Variants in CYGB observed in about 807,000 individuals in gnomAD.
The protein encoded by CYGB is histoglobin.
Under a neutral mutation model 20.7 loss-of-function variants are expected in CYGB, and 13 were observed. The ratio of observed to expected loss-of-function variants is 0.63; its 90% CI spans 0.41 to 1.00. The LOEUF (loss-of-function observed/expected upper bound fraction) is 1.00, where lower values mean the gene tolerates loss of function less well. CYGB is among the 50% of genes least tolerant of loss of function. The pLI is 0.00. For missense variants in CYGB, 218 were observed against 257.2 expected (o/e 0.85, Z 1.04); for synonymous variants, 93 against 107.4 (o/e 0.87, Z 0.83).
rs1252443604 is a variant in CYGB at position 76,531,514 on chromosome 17, G to C, written c.321C>G (p.Ala107=). 6.2e-7 allele frequency: 1 copy of C among 1,613,946 alleles called. No individual in the cohort carries two copies. The highest frequency in any genetic ancestry group is 1.1e-5 in the South Asian group (1 of 91,090). The change falls in exon 2 of 4, where the codon GCC becomes GCG. Residue 107 remains alanine (A), a synonymous_variant. Coordinates refer to ENST00000293230, the MANE Select transcript of CYGB (RefSeq NM_134268.5). The surrounding 1 kb of genome is among the most constrained non-coding windows in gnomAD (Gnocchi z 7.4). ...TGAGGGCGTGGGCTTTCCCCACAAG[G>C]GCGAGCACAGAGGACACCTTGTCGG... ...HDPDKVSSVL[A]LVGKAHALKH...
chr17:76,541,831 C>G (rs1174051968), upstream of CYGB, among the ~76,000 whole-genome samples: 1 of 152,150 alleles, frequency 6.6e-6, no homozygotes, highest in East Asian at 1.9e-4. Flanking sequence ...AATGGAAAGA[C>G]TATGGGGGAA....
Position 76,527,745 on chromosome 17 carries a change from C to A in CYGB, c.*833G>T, listed in dbSNP as rs144615545. ...TGGTGGCCAAGGCAGGTGGAGCTAG[C>A]GGTCGAGGTTTCTGGACTGAGGCCC... On this transcript the variant is annotated 3_prime_UTR_variant, in exon 4 of 4. Coordinates refer to ENST00000293230, the MANE Select transcript of CYGB (RefSeq NM_134268.5). The A allele has an allele frequency of 6.6e-5, 30 of 453,878 alleles. No individual in the cohort carries two copies. The highest frequency in any genetic ancestry group is 5.2e-4 in the African/African-American group (26 of 49,952). 28.1% of individuals were successfully genotyped at this position (453,878 alleles called of 1,614,324 possible).
upstream of CYGB, among the ~76,000 whole-genome samples, chr17:76,539,591 T>C (rs1334959674): frequency 1.3e-5 from 2 of 152,214 alleles, no homozygotes; most frequent in African/African-American, 4.8e-5. Flanking sequence ...GCTTCCACGG[T>C]GACATCATTG....
At chr17:76,542,557 A>G (rs202007259), upstream of CYGB, 1 of 1,614,174 alleles carries the variant, frequency 6.2e-7, no homozygotes, top group Middle Eastern at 1.6e-4. Flanking sequence ...GTTTAGGGAG[A>G]AAGAACCTCT....
intron 1 of CYGB, among the ~76,000 whole-genome samples, chr17:76,534,606 T>C (rs1375739559): frequency 6.6e-6 from 1 of 152,360 alleles, no homozygotes; most frequent in East Asian, 1.9e-4. Flanking sequence ...TCTCCTGAGG[T>C]AGGCACTGTT....
chr17:76,542,905 G>A lies in CYGB; in HGVS notation c.-53+7957C>T, dbSNP rs1057487218. The stretch of plus-strand genomic sequence containing the variant: ...GGGGATGGCGAGGTGGTCGTGCTGG[G>A]GCATGAGGGCAGTGTCGGAGGACGC... On this transcript the variant is annotated intron_variant, in intron 1 of 3. Coordinates refer to the CYGB transcript ENST00000589145. 6 of 586,148 alleles carry A rather than the reference G, an allele frequency of 1.0e-5. No homozygotes were observed. The African/African-American group carries it at 1.1e-4, about 11-fold the overall frequency. The allele number at this position is 586,148 out of a possible 1,614,324, so 36.3% of individuals were successfully genotyped here. A position where few individuals can be genotyped will look rare whatever the true frequency, so the allele number is the denominator to read the frequency against.
In CYGB at chr17:76,528,059, A is replaced by C. The variant is rs1471331995; in HGVS notation, c.*519T>G. 1 of 366,356 alleles carries C rather than the reference A, an allele frequency of 2.7e-6. No individual in the cohort carries two copies. The highest frequency in any genetic ancestry group is 5.2e-6 in the Non-Finnish European group (1 of 193,706). 22.7% of individuals were successfully genotyped at this position (366,356 alleles called of 1,614,324 possible). On this transcript the variant is annotated 3_prime_UTR_variant, in exon 4 of 4. Transcript: ENST00000293230. This position sits in a 1 kb window ranked among gnomAD's most constrained non-coding sequence, Gnocchi z 5.8. Reference sequence around the variant, plus strand: ...ACCGGAACCCCTCCCTGCCCCACTCACAGGTGGGCCAAACCGAGGCTTCTG... The same window carrying C: ...ACCGGAACCCCTCCCTGCCCCACTCCCAGGTGGGCCAAACCGAGGCTTCTG...
intron 1 of CYGB, among the ~76,000 whole-genome samples, chr17:76,548,513 G>A (rs942488022): frequency 2.6e-5 from 4 of 152,202 alleles, no homozygotes; most frequent in Non-Finnish European, 5.9e-5. Context: ...AGCCTCGGTG[G>A]CCTAGTTCTG....
At position 76,531,445 on chromosome 17, in the gene CYGB, G is replaced by A; in HGVS notation, c.375+15C>T. 2 of 1,596,706 alleles carry A rather than the reference G, an allele frequency of 1.3e-6. No individual in the cohort carries two copies. Among genetic ancestry groups the A allele is most frequent in the Non-Finnish European group, 1.7e-6 (2 of 1,165,462 alleles). Reference sequence around the variant, plus strand: ...CGTGGGCGGTGGGGGCTCTGCAGCAGATGGGGGCGCATACCTTGAAGTACA... The same window carrying A: ...CGTGGGCGGTGGGGGCTCTGCAGCAAATGGGGGCGCATACCTTGAAGTACA... On this transcript the variant is annotated intron_variant, in intron 2 of 3. Transcript: ENST00000293230. This position sits in a 1 kb window ranked among gnomAD's most constrained non-coding sequence, Gnocchi z 7.4.
intron 1 of CYGB, among the ~76,000 whole-genome samples, chr17:76,547,672 CACAG>C (rs1567915419): frequency 2.0e-5 from 3 of 151,276 alleles, no homozygotes; most frequent in South Asian, 4.2e-4. Context: ...CATATTCACA[CACAG>C]AGACACCCAC....
intron 1 of CYGB, chr17:76,547,256 G>A (rs2075060868): frequency 6.6e-6 from 1 of 152,462 alleles, no homozygotes; most frequent in Admixed American, 6.5e-5. Flanking sequence ...GACAGACAGC[G>A]AGGTCATCAC....
chr17:76,528,987 G>T lies in CYGB; in HGVS notation c.540-376C>A. The T allele has an allele frequency of 9.9e-7, 1 of 1,014,838 alleles. No homozygotes were observed. The highest frequency in any genetic ancestry group is 1.2e-6 in the Non-Finnish European group (1 of 849,808). 62.9% of individuals were successfully genotyped at this position (1,014,838 alleles called of 1,614,324 possible). Reference sequence around the variant, plus strand: ...TCCGGCCTGTCTCGTCCCTCCTCGGGCCACCCATCTGTATTCTCGTATTCT... The same window carrying T: ...TCCGGCCTGTCTCGTCCCTCCTCGGTCCACCCATCTGTATTCTCGTATTCT... On this transcript the variant is annotated intron_variant, in intron 3 of 3. Coordinates refer to ENST00000293230, the MANE Select transcript of CYGB (RefSeq NM_134268.5). This position sits in a 1 kb window ranked among gnomAD's most constrained non-coding sequence, Gnocchi z 5.8.
intron 1 of CYGB, among the ~76,000 whole-genome samples, chr17:76,535,160 C>G (rs2074901570): frequency 6.6e-6 from 1 of 152,206 alleles, no homozygotes; most frequent in African/African-American, 2.4e-5. Context: ...AACGCCTCCT[C>G]CACCCCCACC....
At chr17:76,543,033 G>A in intron 1 of CYGB, 1 of 474,236 alleles carries the variant, frequency 2.1e-6, no homozygotes. Flanking sequence ...TTTCAGCTCA[G>A]GTCCTGGTTC....
chr17:76,537,643 G>C lies in CYGB; in HGVS notation c.-101C>G, dbSNP rs866977912. 2.1e-3 allele frequency: 2,047 copies of C among 959,502 alleles called. 2 individuals are homozygous for C. The highest frequency in any genetic ancestry group is 3.2e-3 in the Middle Eastern group (6 of 1,880). 59.4% of individuals were successfully genotyped at this position (959,502 alleles called of 1,614,324 possible). A position where few individuals can be genotyped will look rare whatever the true frequency, so the allele number is the denominator to read the frequency against. On this transcript the variant is annotated 5_prime_UTR_variant, in exon 1 of 4. Transcript: ENST00000293230. The stretch of plus-strand genomic sequence containing the variant: ...GGGAGCCGGGGCCGGCTGCGTGCGC[G>C]GCGGGCGGGCGAGGGGTAGAGCGCG...
At chr17:76,541,186 C>T (rs1205772681), upstream of CYGB, among the ~76,000 whole-genome samples, 4 of 152,170 alleles carry the variant, frequency 2.6e-5, no homozygotes, top group African/African-American at 4.8e-5. Flanking sequence ...TGACCAGTGT[C>T]GTTCGATGAT....
intron 3 of CYGB, chr17:76,529,178 G>A (rs992008899): frequency 1.0e-6 from 1 of 984,914 alleles, no homozygotes; most frequent in Non-Finnish European, 1.2e-6. Flanking sequence ...ACTCTACTCT[G>A]TAACTCCATC....
Position 76,530,858 on chromosome 17 carries a change from C to G in CYGB, c.539+121G>C. 1 of 1,180,378 alleles carries G rather than the reference C, an allele frequency of 8.5e-7. No homozygotes were observed. Among genetic ancestry groups the G allele is most frequent in the Non-Finnish European group, 1.2e-6 (1 of 859,546 alleles). The allele number at this position is 1,180,378 out of a possible 1,614,324, so 73.1% of individuals were successfully genotyped here. A position where few individuals can be genotyped will look rare whatever the true frequency, so the allele number is the denominator to read the frequency against. On this transcript the variant is annotated intron_variant, in intron 3 of 3. Transcript: ENST00000293230. This position sits in a 1 kb window ranked among gnomAD's most constrained non-coding sequence, Gnocchi z 6.1. ...TTACATGTCAGACCCCAGGGTTGGCCTGCCTCAAGTGTGCCTGCCCAGGTG... is the reference window on the plus strand; with the variant it reads ...TTACATGTCAGACCCCAGGGTTGGCGTGCCTCAAGTGTGCCTGCCCAGGTG...
intron 1 of CYGB, among the ~76,000 whole-genome samples, chr17:76,548,160 TACAC>T (rs759067140): frequency 3.3e-5 from 5 of 150,768 alleles, no homozygotes; most frequent in Non-Finnish European, 7.4e-5. Context: ...CATTCACACA[TACAC>T]ACACACATAT....
Sources: allele counts gnomAD v4.1 joint callset (sites outside exome capture counted in the v4.1 genomes callset), GRCh38; gene constraint gnomAD v4.1.1; non-coding constraint Gnocchi (gnomAD v3.1); transcripts MANE v1.5; gene names NCBI Gene and HGNC (gene_info 2026-07-23, HGNC 2026-07-21).